TSPYL2: variants seen among roughly 807,000 people sequenced by gnomAD.
TSPYL2 encodes TSPY like 2.
Under a neutral mutation model 33.0 loss-of-function variants are expected in TSPYL2, and 9 were observed. The ratio of observed to expected loss-of-function variants is 0.27; its 90% CI spans 0.16 to 0.48. The LOEUF is 0.48. Ranked by LOEUF, TSPYL2 falls within the 20% of genes least tolerant of loss-of-function variation. TSPYL2 has a pLI of 0.99. For missense variants in TSPYL2, 636 were observed against 586.2 expected (o/e 1.08, Z -0.88); for synonymous variants, 330 against 233.6 (o/e 1.41, Z -3.77).
chrX:53,082,909 G>T lies in TSPYL2; in HGVS notation c.411G>T (p.Ser137=). Residue 137 remains serine (S), a synonymous_variant, in exon 1 of 7, where the codon TCG becomes TCT. Transcript: ENST00000375442. ...SLEIDFQVVQ[S]SSFGGEGALE... The stretch of plus-strand genomic sequence containing the variant: ...AAATCGATTTTCAGGTTGTACAGTC[G>T]AGCAGTTTTGGTGGAGAGGGGGCCC... The T allele has an allele frequency of 8.3e-7, 1 of 1,210,897 alleles. No homozygotes were observed.
rs1556808160 is a variant in TSPYL2, at chrX:53,085,266, T to G, written c.1183T>G (p.Tyr395Asp). 1.7e-6 allele frequency: 2 copies of G among 1,208,608 alleles called. No individual in the cohort carries two copies. The highest frequency in any genetic ancestry group is 3.0e-5 in the East Asian group (1 of 33,844). Residue 395 changes from tyrosine to aspartate, a missense_variant, in exon 5 of 7, where the codon TAC becomes GAC. By Grantham distance (160) the Tyr-to-Asp change is radical. Coordinates refer to ENST00000375442, the MANE Select transcript of TSPYL2 (RefSeq NM_022117.4). ...NDLWVNPLRY[Y>D]LRERGSRIKR... Reference sequence around the variant, plus strand: ...TCTGTGGGTTAACCCTCTACGCTACTACCTGAGAGAAAGGGGCTCCAGGAT... The same window carrying G: ...TCTGTGGGTTAACCCTCTACGCTACGACCTGAGAGAAAGGGGCTCCAGGAT...
rs781796529 is a variant in TSPYL2 at position 53,083,060 on chromosome X, AGGCGGCGGC to A, written c.571_579del (p.Arg193_Arg195del). ...GCGGGAGAGTATGAGGAGCAGCAGG[AGGCGGCGGC>A]GGCGGCGGAGGAGGAAGCAGAGGAA... On this transcript the variant is annotated inframe_deletion, in exon 1 of 7. Transcript: ENST00000375442. The A allele has an allele frequency of 6.6e-6, 8 of 1,204,147 alleles. No homozygotes were observed. The highest frequency in any genetic ancestry group is 7.9e-6 in the Non-Finnish European group (7 of 891,112).
chrX:53,086,780 C>CG (rs1300623547), intron 6 of TSPYL2: 2 of 78,045 alleles, frequency 2.6e-5, no homozygotes, highest in Non-Finnish European at 2.3e-5. Context: ...GGGGGGGTGG[C>CG]GGGGGAAGAG....
rs782231632 is a variant in TSPYL2 at position 53,082,825 on chromosome X, C to T, written c.327C>T (p.Pro109=). Reference sequence around the variant, plus strand: ...TCGAGTCGGGGTATGGGGAGGCGCCCCCGCCCACGGAGAGCCTGGAAGCAC... The same window carrying T: ...TCGAGTCGGGGTATGGGGAGGCGCCTCCGCCCACGGAGAGCCTGGAAGCAC... ...STIESGYGEA[P]PPTESLEALP... The change falls in exon 1 of 7, where the codon CCC becomes CCT. Residue 109 remains proline, a synonymous_variant. Transcript: ENST00000375442. The T allele has an allele frequency of 3.4e-5, 41 of 1,201,493 alleles. No homozygotes were observed. Among genetic ancestry groups the T allele is most frequent in the Non-Finnish European group, 4.3e-5 (38 of 891,626 alleles).
At chrX:53,084,420 T>TAC (rs1288534965) in intron 1 of TSPYL2, 125 bp from the exon 2 acceptor site, 65 of 587,944 alleles carry the variant, frequency 1.1e-4, no homozygotes, top group Non-Finnish European at 1.6e-4. Flanking sequence ...ACTTGCTTTA[T>TAC]ACACACCACA....
chrX:53,084,687 G>C lies in TSPYL2; in HGVS notation c.885+65G>C, dbSNP rs782221225. ...AATCTGGTTCTTGGAGGTGACGGGA[G>C]GTGGGTGGGAAGGGCCGTGGTGTGT... On this transcript the variant is annotated intron_variant, in intron 2 of 6. Transcript: ENST00000375442. 1.2e-5 allele frequency: 14 copies of C among 1,187,788 alleles called. No individual in the cohort carries two copies. In the South Asian group the frequency reaches 2.1e-4, roughly 18 times the overall value.
chrX:53,083,510 T>G (rs1322943229), intron 1 of TSPYL2, among the ~76,000 whole-genome samples: 15 of 74,692 alleles, frequency 2.0e-4, no homozygotes, highest in South Asian at 6.3e-4. Flanking sequence ...TGATGAAGGG[T>G]GGTGGAGGGG....
Position 53,086,326 on chromosome X carries a change from C to CCT in TSPYL2, c.1918+17_1918+18insTC, listed in dbSNP as rs782793051. The CCT allele has an allele frequency of 2.6e-6, 3 of 1,150,840 alleles. No homozygotes were observed. The highest frequency in any genetic ancestry group is 4.2e-5 in the African/African-American group (2 of 48,191). The allele number at this position is 1,150,840 out of a possible 1,213,427, so 94.8% of individuals were successfully genotyped here. A position where few individuals can be genotyped will look rare whatever the true frequency, so the allele number is the denominator to read the frequency against. Reference sequence around the variant, plus strand: ...ATTGAGGAAGGTGAGCTAATCCCCCCCCACCCTTGTCTTCCCTCTTTTCTT... The same window carrying CCT: ...ATTGAGGAAGGTGAGCTAATCCCCCCCTCCACCCTTGTCTTCCCTCTTTTCTT... On this transcript the variant is annotated intron_variant, in intron 6 of 6. Coordinates refer to ENST00000375442, the MANE Select transcript of TSPYL2 (RefSeq NM_022117.4).
rs376609801 is a variant in TSPYL2, at chrX:53,085,013, C to T, written c.1057C>T (p.Arg353Cys). The change falls in exon 4 of 7, where the codon CGT (arginine) becomes TGT (cysteine). Residue 353 changes from arginine (R) to cysteine (C), a missense_variant. By Grantham distance (180) the Arg-to-Cys change is radical. Transcript: ENST00000375442. ...GCACCGGGGCCAGGAACCCCAGGCC[C>T]GTCGTCACGGGAACCAGGATGCGAG... is the stretch of plus-strand genomic sequence containing the variant. ...RWHRGQEPQARRHGNQDASHS... is the reference protein window; with the variant it reads ...RWHRGQEPQACRHGNQDASHS... 9.9e-6 allele frequency: 12 copies of T among 1,210,088 alleles called. No homozygotes were observed. Among genetic ancestry groups the T allele is most frequent in the South Asian group, 3.5e-5 (2 of 56,865 alleles).
At position 53,086,313 on chromosome X, in the gene TSPYL2, G is replaced by A. The variant is rs782472790; in HGVS notation, c.1918+3G>A. ...GGAAGAAGAGGGCATTGAGGAAGGT[G>A]AGCTAATCCCCCCCCACCCTTGTCT... On this transcript the variant is annotated splice_donor_region_variant and intron_variant, in intron 6 of 6. Transcript: ENST00000375442. The A allele has an allele frequency of 1.9e-5, 23 of 1,180,944 alleles. No homozygotes were observed. Among genetic ancestry groups the A allele is most frequent in the Non-Finnish European group, 2.4e-5 (21 of 883,917 alleles).
At position 53,087,820 on chromosome X, in the gene TSPYL2, GAGGA is replaced by G. The variant is rs782526481; in HGVS notation, c.1970_1973del (p.Gly657ValfsTer16). The stretch of plus-strand genomic sequence containing the variant: ...CATCTATGAGGAAGGAAACTATGAG[GAGGA>G]AGGAAGTGAAGATGTCTGGGAAGAA... On this transcript the variant is annotated frameshift_variant, in exon 7 of 7. Coordinates refer to ENST00000375442, the MANE Select transcript of TSPYL2 (RefSeq NM_022117.4). LOFTEE classifies it low-confidence loss of function (END_TRUNC). 1.5e-5 allele frequency: 18 copies of G among 1,210,360 alleles called. No individual in the cohort carries two copies. Among genetic ancestry groups the G allele is most frequent in the African/African-American group, 3.5e-5 (2 of 57,410 alleles).
chrX:53,085,389 T>C, intron 5 of TSPYL2, 68 bp downstream of exon 5: 1 of 946,366 alleles, frequency 1.1e-6, no homozygotes, highest in Non-Finnish European at 1.5e-6. Flanking sequence ...TAACACAGGA[T>C]TTATGGAGCC....
chrX:53,084,927 C>T, intron 3 of TSPYL2, 27 bp from the exon 4 acceptor site: 1 of 1,208,783 alleles, frequency 8.3e-7, no homozygotes, highest in Non-Finnish European at 1.1e-6. Flanking sequence ...TGTTTTGTCC[C>T]ATCTCCATAG....
chrX:53,087,709 A>T (rs1007344690), intron 6 of TSPYL2, 67 bp from the exon 7 acceptor site: 1 of 1,106,725 alleles, frequency 9.0e-7, no homozygotes, highest in South Asian at 2.0e-5. Flanking sequence ...TCCCTTTTAG[A>T]GTGACACCTA....
Position 53,086,328 on chromosome X carries a change from C to CCCG in TSPYL2, c.1918+18_1918+19insCCG. On this transcript the variant is annotated intron_variant, in intron 6 of 6. Transcript: ENST00000375442. ...TGAGGAAGGTGAGCTAATCCCCCCC[C>CCCG]ACCCTTGTCTTCCCTCTTTTCTTTT... The CCCG allele has an allele frequency of 1.7e-6, 2 of 1,156,317 alleles. No homozygotes were observed. Among genetic ancestry groups the CCCG allele is most frequent in the African/African-American group, 4.0e-5 (2 of 49,993 alleles).
In TSPYL2 at chrX:53,085,938, G is replaced by A. The variant is rs370449744; in HGVS notation, c.1546G>A (p.Glu516Lys). 25 of 1,206,529 alleles carry A rather than the reference G, an allele frequency of 2.1e-5. No homozygotes were observed. Among genetic ancestry groups the A allele is most frequent in the African/African-American group, 3.5e-5 (2 of 56,933 alleles). The change falls in exon 6 of 7, where the codon GAG (glutamate) becomes AAG (lysine). Residue 516 changes from glutamate (E) to lysine (K), a missense_variant. Coordinates refer to ENST00000375442, the MANE Select transcript of TSPYL2 (RefSeq NM_022117.4). The part of the protein sequence containing the change: ...DNNESADDNN[E>K]NPEDNNKNTD... ...CAATGAGAGTGCAGATGACAACAAC[G>A]AGAATCCTGAAGACAATAACAAGAA...
Position 53,083,101 on chromosome X carries a change from G to T in TSPYL2, c.603G>T (p.Lys201Asn). ...RRRRRKQRKVKRESRERNAER... is the reference protein window; with the variant it reads ...RRRRRKQRKVNRESRERNAER... ...GGAGGAGGAAGCAGAGGAAGGTGAA[G>T]AGGGAAAGCAGAGAGAGAAATGCCG... Residue 201 changes from lysine (K) to asparagine (N), a missense_variant, in exon 1 of 7, where the codon AAG becomes AAT. This residue lies in a region of TSPYL2 where 231 missense variants were observed against 201.6 expected (regional missense o/e 1.15). Transcript: ENST00000375442. The T allele has an allele frequency of 8.3e-7, 1 of 1,209,934 alleles. No individual in the cohort carries two copies. The highest frequency in any genetic ancestry group is 1.1e-6 in the Non-Finnish European group (1 of 894,719).
chrX:53,087,526 G>A, intron 6 of TSPYL2: 1 of 392,704 alleles, frequency 2.5e-6, no homozygotes, highest in Admixed American at 4.2e-5. Flanking sequence ...TATCAGAGAT[G>A]TATCAGTTTT....
At chrX:53,084,490 C>G (rs782686806) in intron 1 of TSPYL2, 55 bp from the exon 2 acceptor site, 1 of 1,052,147 alleles carries the variant, frequency 9.5e-7, no homozygotes, top group East Asian at 3.1e-5. Flanking sequence ...CTGGCCTTCC[C>G]TCCCTCCCTT....
Sources: allele counts gnomAD v4.1 joint callset (sites outside exome capture counted in the v4.1 genomes callset), GRCh38; gene constraint gnomAD v4.1.1; regional missense constraint gnomAD v4.1.1; transcripts MANE v1.5; gene names NCBI Gene and HGNC (gene_info 2026-07-23, HGNC 2026-07-21).